Variants in UNC13B observed in about 807,000 individuals in gnomAD.
The protein encoded by UNC13B is protein unc-13 homolog B.
UNC13B carries 144 observed loss-of-function variants against 211.0 expected under a neutral mutation model. The observed-to-expected ratio is 0.68, with a 90% CI of 0.60 to 0.78. The LOEUF (loss-of-function observed/expected upper bound fraction) is 0.78, where lower values mean the gene tolerates loss of function less well. Among genes scored for constraint, UNC13B ranks in the 30% least tolerant of loss-of-function variants. The pLI is 0.00. For missense variants in UNC13B, 1,777 were observed against 2,002.0 expected (o/e 0.89, Z 2.14); for synonymous variants, 709 against 725.8 (o/e 0.98, Z 0.37).
At chr9:35,359,237 CT>C (rs1328329998) in intron 11 of UNC13B, among the ~76,000 whole-genome samples, 1 of 152,110 alleles carries the variant, frequency 6.6e-6, no homozygotes, top group East Asian at 1.9e-4. Context: ...TTTTGAAACA[CT>C]TTCTTCATTT....
At chr9:35,343,787 G>A (rs141013159) in intron 11 of UNC13B, among the ~76,000 whole-genome samples, 3 of 151,896 alleles carry the variant, frequency 2.0e-5, no homozygotes, top group Admixed American at 1.3e-4. Flanking sequence ...CTGGCCACAT[G>A]TGACTGCTGA....
Position 35,381,574 on chromosome 9 carries a change from A to T in UNC13B, c.10510A>T (p.Thr3504Ser). Residue 3504 changes from threonine to serine, a missense_variant, in exon 20 of 40, where the codon ACA becomes TCA. Coordinates refer to ENST00000635942, the MANE Select transcript of UNC13B (RefSeq NM_001371189.2). ...CCTGCAGAATCTTTTCCATTACCTC[A>T]CAGACATTCAGGGCAGTGGAGGAGT... The part of the protein sequence containing the change: ...CLHENLFHYL[T>S]DIQGSGGVRI... 2.5e-6 allele frequency: 4 copies of T among 1,613,740 alleles called. No homozygotes were observed. Among genetic ancestry groups the T allele is most frequent in the Non-Finnish European group, 3.4e-6 (4 of 1,179,778 alleles).
intron 7 of UNC13B, among the ~76,000 whole-genome samples, chr9:35,288,825 C>G: frequency 6.6e-6 from 1 of 152,194 alleles, no homozygotes; most frequent in Non-Finnish European, 1.5e-5. Context: ...GTGTCCTGCC[C>G]AGAAAGGCTT....
intron 1 of UNC13B, among the ~76,000 whole-genome samples, chr9:35,163,678 C>T (rs1199477752): frequency 2.6e-5 from 4 of 152,190 alleles, no homozygotes; most frequent in Non-Finnish European, 5.9e-5. Flanking sequence ...TTATGAAAGA[C>T]TCTTTAGGCA....
At chr9:35,391,339 G>A (rs1458146520) in intron 26 of UNC13B, among the ~76,000 whole-genome samples, 2 of 152,112 alleles carry the variant, frequency 1.3e-5, no homozygotes, top group Non-Finnish European at 2.9e-5. Flanking sequence ...CACCTATTTA[G>A]CAGCGTTTCC....
chr9:35,180,431 T>C (rs2131296026), intron 1 of UNC13B, among the ~76,000 whole-genome samples: 1 of 152,344 alleles, frequency 6.6e-6, no homozygotes, highest in African/African-American at 2.4e-5. Context: ...TTTGCAAGTT[T>C]AGTTTTGCTT....
At chr9:35,369,981 C>A (rs1834012617) in intron 12 of UNC13B, among the ~76,000 whole-genome samples, 1 of 152,140 alleles carries the variant, frequency 6.6e-6, no homozygotes, top group African/African-American at 2.4e-5. Flanking sequence ...TGGGGAGAAG[C>A]CCTCTTGAGT....
intron 11 of UNC13B, among the ~76,000 whole-genome samples, chr9:35,320,827 A>G (rs1435438374): frequency 6.6e-6 from 1 of 152,200 alleles, no homozygotes; most frequent in African/African-American, 2.4e-5. Flanking sequence ...TCAAGAGCCC[A>G]GTATGGAATC....
Position 35,310,562 on chromosome 9 carries a change from A to G in UNC13B, c.9104A>G (p.Asp3035Gly), listed in dbSNP as rs1182183905. 6.2e-7 allele frequency: 1 copy of G among 1,614,022 alleles called. No homozygotes were observed. The highest frequency in any genetic ancestry group is 8.5e-7 in the Non-Finnish European group (1 of 1,180,032). Residue 3035 changes from aspartate to glycine, a missense_variant, in exon 10 of 40, where the codon GAC becomes GGC. Coordinates refer to ENST00000635942, the MANE Select transcript of UNC13B (RefSeq NM_001371189.2). ...ELDQYHEQDD[D>G]HRETDSIHSC... is the part of the protein sequence containing the mutation. ...GACCAGTATCACGAACAAGATGACG[A>G]CCATCGGGAGACGGACTCGATTCAT...
chr9:35,197,279 C>T (rs1454039683), intron 1 of UNC13B, among the ~76,000 whole-genome samples: 1 of 152,040 alleles, frequency 6.6e-6, no homozygotes, highest in Non-Finnish European at 1.5e-5. Context: ...GTGATCTTGG[C>T]TTACTACAGC....
At chr9:35,232,680 T>C (rs1031393423) in intron 3 of UNC13B, among the ~76,000 whole-genome samples, 17 of 152,150 alleles carry the variant, frequency 1.1e-4, no homozygotes, top group African/African-American at 3.9e-4. Context: ...ATGGACAATC[T>C]TATATTTGAG....
intron 8 of UNC13B, among the ~76,000 whole-genome samples, chr9:35,296,451 T>TC (rs1415655938): frequency 6.6e-6 from 1 of 152,214 alleles, no homozygotes; most frequent in Non-Finnish European, 1.5e-5. Flanking sequence ...ATAAAGAGTT[T>TC]CCCACCCACA....
At chr9:35,311,518 G>A (rs1257015045) in intron 10 of UNC13B, among the ~76,000 whole-genome samples, 1 of 152,186 alleles carries the variant, frequency 6.6e-6, no homozygotes, top group Non-Finnish European at 1.5e-5. Flanking sequence ...GTGTGTGCAT[G>A]TACTTATGTA....
intron 1 of UNC13B, among the ~76,000 whole-genome samples, chr9:35,194,741 G>A (rs1218833175): frequency 2.0e-5 from 3 of 152,154 alleles, no homozygotes; most frequent in Non-Finnish European, 2.9e-5. Flanking sequence ...TTGTACCTTG[G>A]TATCCTGAGT....
rs1829980439 is a variant in UNC13B, at chr9:35,307,457, G to A, written c.8053G>A (p.Ala2685Thr). ...TGAGCCAGAGCCAGCTATTCAAACT[G>A]CCTCCACAAACCAAGACTTACTGGA... ...PLEPEPAIQT[A>T]STNQDLLELH... Residue 2685 changes from alanine to threonine, a missense_variant, in exon 9 of 40, where the codon GCC becomes ACC. Physicochemically the swap from Ala to Thr is moderately conservative, Grantham distance 58. Transcript: ENST00000635942. The A allele has an allele frequency of 2.5e-6, 1 of 398,996 alleles. No individual in the cohort carries two copies. Among genetic ancestry groups the A allele is most frequent in the Non-Finnish European group, 4.4e-6 (1 of 226,162 alleles). 24.7% of individuals were successfully genotyped at this position (398,996 alleles called of 1,614,324 possible). A position where few individuals can be genotyped will look rare whatever the true frequency, so the allele number is the denominator to read the frequency against.
chr9:35,360,643 A>AT (rs1833348619), intron 11 of UNC13B: 1 of 152,156 alleles, frequency 6.6e-6, no homozygotes, highest in Non-Finnish European at 1.5e-5. Flanking sequence ...TTCTTTTAAA[A>AT]TTTTTTTAGT....
chr9:35,182,534 G>T (rs1821996732), intron 1 of UNC13B, among the ~76,000 whole-genome samples: 1 of 151,796 alleles, frequency 6.6e-6, no homozygotes, highest in Non-Finnish European at 1.5e-5. Flanking sequence ...GGATGTGGCA[G>T]GGTCATAGGG....
chr9:35,376,291 G>A lies in UNC13B; in HGVS notation c.9835+44G>A, dbSNP rs527729577. 9 of 1,593,842 alleles carry A rather than the reference G, an allele frequency of 5.6e-6. No homozygotes were observed. In the African/African-American group the frequency reaches 1.1e-4, roughly 19 times the overall value. ...GAGGGGCGGGGAGTGGGGCAGCAGG[G>A]GCTTTCCAAAATAGTCTGCAGCAAA... is the stretch of plus-strand genomic sequence containing the variant. On this transcript the variant is annotated intron_variant, in intron 15 of 39. Coordinates refer to ENST00000635942, the MANE Select transcript of UNC13B (RefSeq NM_001371189.2).
chr9:35,200,027 A>T (rs1228339576), intron 1 of UNC13B, among the ~76,000 whole-genome samples: 1 of 152,230 alleles, frequency 6.6e-6, no homozygotes, highest in Non-Finnish European at 1.5e-5. Context: ...ATAAGGTGTA[A>T]GGAAGGGATC....
Sources: gnomAD v4.1 joint callset for allele counts (sites outside exome capture counted in the v4.1 genomes callset) on GRCh38, gnomAD v4.1.1 for gene constraint, MANE v1.5 for transcripts, NCBI Gene and HGNC (gene_info 2026-07-23, HGNC 2026-07-21) for gene names.